Variants in RNF168 observed in about 807,000 individuals in gnomAD.
RNF168 encodes the protein ring finger protein 168.
Under a neutral mutation model 34.9 loss-of-function variants are expected in RNF168, and 34 were observed. That is an observed-to-expected ratio of 0.97 (90% CI 0.74 to 1.30). The LOEUF is 1.30. Ranked by LOEUF, RNF168 falls within the 50% of genes most tolerant of loss-of-function variation. RNF168 has a pLI of 0.00. For missense variants in RNF168, 725 were observed against 682.5 expected (o/e 1.06, Z -0.69); for synonymous variants, 264 against 254.7 (o/e 1.04, Z -0.35).
At chr3:196,482,713 T>C (rs2108648241) in intron 4 of RNF168, among the ~76,000 whole-genome samples, 1 of 152,318 alleles carries the variant, frequency 6.6e-6, no homozygotes, top group East Asian at 1.9e-4. Context: ...GTTAAACATA[T>C]TTTCGTGTAC....
Position 196,472,624 on chromosome 3 carries a change from C to G in RNF168, c.911G>C (p.Cys304Ser). The G allele has an allele frequency of 6.2e-7, 1 of 1,613,796 alleles. No individual in the cohort carries two copies. The highest frequency in any genetic ancestry group is 8.5e-7 in the Non-Finnish European group (1 of 1,179,692). The change falls in exon 6 of 6, where the codon TGT becomes TCT. Residue 304 changes from cysteine (C) to serine (S), a missense_variant. Coordinates refer to ENST00000318037, the MANE Select transcript of RNF168 (RefSeq NM_152617.4). Reference sequence around the variant, plus strand: ...TCCTTCATGGTACCATTCGGCACCACAGGCACATAACCATGGCATAGGGGA... The same window carrying G: ...TCCTTCATGGTACCATTCGGCACCAGAGGCACATAACCATGGCATAGGGGA... ...IESPMPWLCA[C>S]GAEWYHEGNV...
In RNF168 at chr3:196,481,965, T is replaced by C. The variant is rs372113009; in HGVS notation, c.680+1805A>G. 7.4e-4 allele frequency among the ~76,000 whole-genome samples: 97 copies of C among 131,340 alleles called. 2 individuals are homozygous for C. The highest frequency in any genetic ancestry group is 1.4e-3 in the East Asian group (7 of 5,090). The allele number at this position is 131,340 out of a possible 152,430, so 86.2% of individuals were successfully genotyped here. A position where few individuals can be genotyped will look rare whatever the true frequency, so the allele number is the denominator to read the frequency against. The stretch of plus-strand genomic sequence containing the variant: ...AGGCATGAGCCACTGTCCCTGGCTT[T>C]TTTTTTTTTTTTTTTTTAGAGACAG... On this transcript the variant is annotated intron_variant, in intron 4 of 5. Coordinates refer to ENST00000318037, the MANE Select transcript of RNF168 (RefSeq NM_152617.4).
chr3:196,487,805 G>A (rs967669948), intron 2 of RNF168, among the ~76,000 whole-genome samples: 1 of 152,098 alleles, frequency 6.6e-6, no homozygotes, highest in Admixed American at 6.6e-5. Flanking sequence ...AGCCTGAGAT[G>A]TATTACAAGT....
chr3:196,474,202 A>G (rs1443796310), intron 5 of RNF168, among the ~76,000 whole-genome samples: 1 of 140,656 alleles, frequency 7.1e-6, no homozygotes, highest in Non-Finnish European at 1.5e-5. Context: ...ATCTCAGCTC[A>G]CTGCAACCTC....
Position 196,472,407 on chromosome 3 carries a change from C to G in RNF168, c.1128G>C (p.Glu376Asp). ...GNNTGETENEESCLLISKEIS... is the reference protein window; with the variant it reads ...GNNTGETENEDSCLLISKEIS... ...TCTCCTTACTGATCAGTAGGCACGA[C>G]TCTTCATTTTCTGTCTCACCTGTGT... Residue 376 changes from glutamate (E) to aspartate (D), a missense_variant, in exon 6 of 6, where the codon GAG becomes GAC. Glu to Asp is a conservative substitution (Grantham distance 45). Coordinates refer to ENST00000318037, the MANE Select transcript of RNF168 (RefSeq NM_152617.4). 6.2e-7 allele frequency: 1 copy of G among 1,613,566 alleles called. No individual in the cohort carries two copies. The highest frequency in any genetic ancestry group is 8.5e-7 in the Non-Finnish European group (1 of 1,179,858).
intron 1 of RNF168, among the ~76,000 whole-genome samples, chr3:196,492,743 A>T (rs918205070): frequency 1.6e-4 from 25 of 152,110 alleles, no homozygotes; most frequent in African/African-American, 5.6e-4. Flanking sequence ...GCACCATTGC[A>T]CTCCAGCCTG....
chr3:196,494,070 C>T (rs183871013), intron 1 of RNF168, among the ~76,000 whole-genome samples: 218 of 149,442 alleles, frequency 1.5e-3, no homozygotes, highest in African/African-American at 5.3e-3. Flanking sequence ...GCTGGTCTCA[C>T]ACTCTCAGGC....
intron 1 of RNF168, among the ~76,000 whole-genome samples, chr3:196,496,028 G>A (rs1360880284): frequency 2.0e-5 from 3 of 152,142 alleles, no homozygotes; most frequent in African/African-American, 7.2e-5. Flanking sequence ...TAAATGAGTA[G>A]ATTCACTTTA....
In RNF168 at chr3:196,487,403, T is replaced by C; in HGVS notation, c.554A>G (p.Asp185Gly). The change falls in exon 3 of 6, where the codon GAT (aspartate) becomes GGT (glycine). Residue 185 changes from aspartate to glycine, a missense_variant. Physicochemically the swap from Asp to Gly is moderately conservative, Grantham distance 94. Coordinates refer to ENST00000318037, the MANE Select transcript of RNF168 (RefSeq NM_152617.4). ...GCGTTCCCTCCTAAAACTTACAATA[T>C]CAATGCTTAGCTTTCTTGCCAGTTC... ...DEELARKLSI[D>G]INNFCEGSIS... is the part of the protein sequence containing the mutation. 1 of 1,613,678 alleles carries C rather than the reference T, an allele frequency of 6.2e-7. No individual in the cohort carries two copies.
chr3:196,486,867 G>A (rs181707947), intron 3 of RNF168, among the ~76,000 whole-genome samples: 4 of 152,288 alleles, frequency 2.6e-5, no homozygotes, highest in South Asian at 2.1e-4. Flanking sequence ...CCAGGAGCTC[G>A]ACACCAGTTC....
intron 1 of RNF168, among the ~76,000 whole-genome samples, chr3:196,494,148 T>C (rs975061889): frequency 6.6e-6 from 1 of 152,188 alleles, no homozygotes; most frequent in African/African-American, 2.4e-5. Context: ...GCACCTGGCC[T>C]GTTTGCTATT....
intron 4 of RNF168, among the ~76,000 whole-genome samples, chr3:196,475,890 C>T (rs1456106363): frequency 3.4e-5 from 5 of 146,880 alleles, no homozygotes; most frequent in Non-Finnish European, 7.5e-5. Context: ...GACGGAGTCT[C>T]CCTCTGTCGC....
At chr3:196,475,841 A>G (rs1353921767) in intron 4 of RNF168, among the ~76,000 whole-genome samples, 1 of 132,560 alleles carries the variant, frequency 7.5e-6, no homozygotes, top group Non-Finnish European at 1.6e-5. Context: ...TGAGCCACTG[A>G]GCCCGGCTAA....
intron 1 of RNF168, among the ~76,000 whole-genome samples, chr3:196,493,024 T>TA (rs1553862985): frequency 6.6e-6 from 1 of 152,032 alleles, no homozygotes; most frequent in Non-Finnish European, 1.5e-5. Context: ...ACATATGAGA[T>TA]AAATTCCAAA....
At chr3:196,472,853 C>T in intron 5 of RNF168, 81 bp from the exon 6 acceptor site, 1 of 794,160 alleles carries the variant, frequency 1.3e-6, no homozygotes, top group South Asian at 1.4e-5. Flanking sequence ...ACTGATACTA[C>T]AGCTGGACTG....
At position 196,488,677 on chromosome 3, in the gene RNF168, T is replaced by G. The variant is rs781082241; in HGVS notation, c.308A>C (p.Asp103Ala). The change falls in exon 2 of 6, where the codon GAC becomes GCC. Residue 103 changes from aspartate to alanine, a missense_variant. Coordinates refer to ENST00000318037, the MANE Select transcript of RNF168 (RefSeq NM_152617.4). ...SGQESEEVAD[D>A]YQPVRLLSKP... The stretch of plus-strand genomic sequence containing the variant: ...ACTGAGCAGACGAACTGGCTGATAG[T>G]CATCAGCTATTTCATATCAAAAAAG... 6.3e-7 allele frequency: 1 copy of G among 1,588,308 alleles called. No homozygotes were observed. Among genetic ancestry groups the G allele is most frequent in the South Asian group, 1.1e-5 (1 of 90,420 alleles).
intron 5 of RNF168, among the ~76,000 whole-genome samples, chr3:196,473,378 AT>A (rs1409337015): frequency 6.6e-6 from 1 of 152,212 alleles, no homozygotes; most frequent in Non-Finnish European, 1.5e-5. Flanking sequence ...GTTCAAAAAA[AT>A]GTGAGGTAAT....
In RNF168 at chr3:196,477,318, T is replaced by TA. The variant is rs555743976; in HGVS notation, c.681-2007dup. Among the ~76,000 whole-genome samples, 28 of 152,228 alleles carry TA rather than the reference T, an allele frequency of 1.8e-4. No homozygotes were observed. In the South Asian group the frequency reaches 5.2e-3, roughly 28 times the overall value. On this transcript the variant is annotated intron_variant, in intron 4 of 5. Coordinates refer to ENST00000318037, the MANE Select transcript of RNF168 (RefSeq NM_152617.4). ...AGCAGCTAGCCATGGCTTTTAGAAT[T>TA]AGAGAAAAAAAGTGACTATAAATAA...
chr3:196,470,933 T>G lies in RNF168; in HGVS notation c.*886A>C, dbSNP rs11719920. ...TGGCTCACGCCTATAATCCCAGCAC[T>G]CTGGGAGGCCGAAGCAGGTGGATCA... On this transcript the variant is annotated 3_prime_UTR_variant, in exon 6 of 6. Transcript: ENST00000318037. The G allele has an allele frequency of 0.53, 79,824 of 151,596 alleles. 22,435 individuals carry two copies. Among genetic ancestry groups the G allele is most frequent in the Non-Finnish European group, 0.63 (42,606 of 68,018 alleles). The allele number at this position is 151,596 out of a possible 1,614,324, so 9.4% of individuals were successfully genotyped here.
Sources: gnomAD v4.1 joint callset for allele counts (sites outside exome capture counted in the v4.1 genomes callset) on GRCh38, gnomAD v4.1.1 for gene constraint, MANE v1.5 for transcripts, NCBI Gene and HGNC (gene_info 2026-07-23, HGNC 2026-07-21) for gene names.